Variants in ZMYM4 observed in about 807,000 individuals in gnomAD.
ZMYM4 encodes the protein zinc finger MYM-type protein 4.
ZMYM4 carries 31 observed loss-of-function variants against 183.2 expected under a neutral mutation model. The observed-to-expected ratio is 0.17, with a 90% confidence interval of 0.13 to 0.23. The LOEUF is 0.23. Ranked by LOEUF, ZMYM4 falls within the 10% of genes least tolerant of loss-of-function variation. The pLI, the probability that ZMYM4 is intolerant of heterozygous loss-of-function variation, is 1.00. For synonymous variants in ZMYM4, 592 were observed against 631.2 expected (o/e 0.94, Z 0.93); for missense variants, 1,273 against 1,840.3 (o/e 0.69, Z 5.64).
chr1:35,268,966 C>A lies in ZMYM4; in HGVS notation c.-81C>A. On this transcript the variant is annotated 5_prime_UTR_variant, in exon 1 of 30. Transcript: ENST00000314607. ...AGCTGCCGCGAGGCGGCCGTGCCTG[C>A]AGTGTGGGCGGGGGCCGGGGGGCCG... is the stretch of plus-strand genomic sequence containing the variant. The A allele has an allele frequency of 2.1e-6, 3 of 1,432,484 alleles. No homozygotes were observed. Among genetic ancestry groups the A allele is most frequent in the Non-Finnish European group, 2.8e-6 (3 of 1,087,508 alleles). The allele number at this position is 1,432,484 out of a possible 1,614,324, so 88.7% of individuals were successfully genotyped here.
At chr1:35,416,663 A>G (rs1640125524) in intron 28 of ZMYM4, among the ~76,000 whole-genome samples, 1 of 152,150 alleles carries the variant, frequency 6.6e-6, no homozygotes, top group Non-Finnish European at 1.5e-5. Context: ...TCCCAGGTTC[A>G]AGCAATTCTC....
At chr1:35,402,288 T>C (rs1479922021) in intron 23 of ZMYM4, among the ~76,000 whole-genome samples, 1 of 152,184 alleles carries the variant, frequency 6.6e-6, no homozygotes, top group African/African-American at 2.4e-5. Context: ...GTATTTAAGA[T>C]ATTTTGATGC....
At chr1:35,349,964 T>A (rs554807816) in intron 2 of ZMYM4, among the ~76,000 whole-genome samples, 141 of 151,152 alleles carry the variant, frequency 9.3e-4, no homozygotes, top group South Asian at 2.9e-3. Flanking sequence ...TTTTCATTTT[T>A]TATATATATA....
At chr1:35,273,466 C>T (rs1012342616) in intron 1 of ZMYM4, among the ~76,000 whole-genome samples, 4 of 151,916 alleles carry the variant, frequency 2.6e-5, no homozygotes, top group African/African-American at 4.8e-5. Flanking sequence ...CTAAATCGGG[C>T]GGCCATATTT....
chr1:35,344,950 G>A (rs1643338234), intron 2 of ZMYM4, among the ~76,000 whole-genome samples: 1 of 152,174 alleles, frequency 6.6e-6, no homozygotes, highest in Non-Finnish European at 1.5e-5. Flanking sequence ...GGAGACATCC[G>A]GGCCTGGGGC....
At position 35,405,360 on chromosome 1, in the gene ZMYM4, C is replaced by T. The variant is rs1273922590; in HGVS notation, c.3701-13C>T. 2 of 1,594,710 alleles carry T rather than the reference C, an allele frequency of 1.3e-6. No individual in the cohort carries two copies. Among genetic ancestry groups the T allele is most frequent in the Non-Finnish European group, 1.7e-6 (2 of 1,175,172 alleles). On this transcript the variant is annotated splice_polypyrimidine_tract_variant and intron_variant, in intron 24 of 29. Transcript: ENST00000314607. ...TTATTTAAACTTTTCTTTTATGTTT[C>T]TCTCCTTGTCAGGGGTTGAACAGGC... is the stretch of plus-strand genomic sequence containing the variant.
intron 15 of ZMYM4, among the ~76,000 whole-genome samples, chr1:35,391,621 AT>A (rs1458889561): frequency 6.6e-6 from 1 of 152,186 alleles, no homozygotes; most frequent in Non-Finnish European, 1.5e-5. Flanking sequence ...CTAACCTGTG[AT>A]CTTCATTGGT....
chr1:35,300,807 C>T (rs777799541), intron 1 of ZMYM4, among the ~76,000 whole-genome samples: 1 of 152,118 alleles, frequency 6.6e-6, no homozygotes, highest in Non-Finnish European at 1.5e-5. Flanking sequence ...TTCTTGAATA[C>T]ATGGAATATA....
At chr1:35,299,031 G>GTT (rs75810224) in intron 1 of ZMYM4, among the ~76,000 whole-genome samples, 2,308 of 135,292 alleles carry the variant, frequency 0.017, 59 homozygotes, top group African/African-American at 0.057. Flanking sequence ...AGTTTTGAAA[G>GTT]TTTTTTTTTT....
chr1:35,277,946 TC>T (rs1639954066), intron 1 of ZMYM4, among the ~76,000 whole-genome samples: 1 of 152,214 alleles, frequency 6.6e-6, no homozygotes, highest in South Asian at 2.1e-4. Flanking sequence ...ATTGGCGGTC[TC>T]TTAAATTAGT....
At chr1:35,409,449 CTT>C (rs574950499) in intron 26 of ZMYM4, among the ~76,000 whole-genome samples, 2 of 144,764 alleles carry the variant, frequency 1.4e-5, no homozygotes, top group African/African-American at 2.5e-5. Flanking sequence ...TAATTTCTGT[CTT>C]TTTTTTTTTT....
Position 35,396,688 on chromosome 1 carries a change from G to A in ZMYM4, c.3030+18G>A. 6.2e-7 allele frequency: 1 copy of A among 1,610,812 alleles called. No individual in the cohort carries two copies. ...CAGTTCCAGTGAGTAATCATTTAGA[G>A]ATTAAAGCTAATATAGCATGCATTT... On this transcript the variant is annotated intron_variant, in intron 19 of 29. Transcript: ENST00000314607.
intron 2 of ZMYM4, among the ~76,000 whole-genome samples, chr1:35,343,636 G>A (rs968695729): frequency 6.6e-6 from 1 of 151,994 alleles, no homozygotes; most frequent in African/African-American, 2.4e-5. Flanking sequence ...AGGCCAAGGC[G>A]GGCGGATTGC....
At chr1:35,272,740 G>T (rs1301301610) in intron 1 of ZMYM4, among the ~76,000 whole-genome samples, 1 of 152,212 alleles carries the variant, frequency 6.6e-6, no homozygotes, top group South Asian at 2.1e-4. Context: ...ATGGAGTCTT[G>T]CTCTGTCGCC....
rs184755053 is a variant in ZMYM4, at chr1:35,411,944, A to G, written c.3949-2028A>G. On this transcript the variant is annotated intron_variant, in intron 26 of 29. Coordinates refer to ENST00000314607, the MANE Select transcript of ZMYM4 (RefSeq NM_005095.3). ...GTCGCCCAGGCTGGAGTGCAGTGGC[A>G]CAATCTCAGCTCACTGCAAGCTCCG... 1.1e-3 allele frequency among the ~76,000 whole-genome samples: 171 copies of G among 152,128 alleles called. 1 individual carries two copies. The East Asian group carries it at 0.028, about 25-fold the overall frequency.
At chr1:35,274,253 A>G (rs149334528) in intron 1 of ZMYM4, among the ~76,000 whole-genome samples, 117 of 152,328 alleles carry the variant, frequency 7.7e-4, no homozygotes, top group African/African-American at 1.9e-3. Context: ...AAATACAGTG[A>G]TTCTGCATTG....
At chr1:35,327,561 G>A (rs1004827951) in intron 2 of ZMYM4, among the ~76,000 whole-genome samples, 19 of 152,150 alleles carry the variant, frequency 1.2e-4, no homozygotes, top group Admixed American at 9.8e-4. Flanking sequence ...GTCTGACTAT[G>A]TTATTTGATA....
intron 1 of ZMYM4, among the ~76,000 whole-genome samples, chr1:35,270,726 G>A (rs865881795): frequency 1.3e-5 from 2 of 152,040 alleles, no homozygotes; most frequent in African/African-American, 4.8e-5. Context: ...GCAGTGAGCC[G>A]AGATCGTGCT....
At chr1:35,373,759 G>A (rs1489639422) in intron 7 of ZMYM4, among the ~76,000 whole-genome samples, 3 of 146,936 alleles carry the variant, frequency 2.0e-5, no homozygotes, top group Admixed American at 6.8e-5. Flanking sequence ...GGTTGGTCTC[G>A]ATCTCCTGAC....
Sources: allele counts gnomAD v4.1 joint callset (sites outside exome capture counted in the v4.1 genomes callset), GRCh38; gene constraint gnomAD v4.1.1; transcripts MANE v1.5; gene names NCBI Gene and HGNC (gene_info 2026-07-23, HGNC 2026-07-21).